The following DCAF1 variants were observed in gnomAD, a reference collection of about 807,000 sequenced individuals.
DCAF1 encodes DDB1- and CUL4-associated factor 1.
DCAF1 carries 15 observed loss-of-function variants against 128.0 expected under a neutral mutation model. That is an observed-to-expected ratio of 0.12 (90% CI 0.08 to 0.18). The LOEUF (loss-of-function observed/expected upper bound fraction) is 0.18, where lower values mean the gene tolerates loss of function less well. DCAF1 is among the 10% of genes least tolerant of loss of function. The pLI is 1.00. For missense variants in DCAF1, 988 were observed against 1,649.5 expected, an observed-to-expected ratio of 0.60 and a Z score of 6.95; for synonymous variants, 610 against 603.0, an observed-to-expected ratio of 1.01 and a Z score of -0.17.
intron 24 of DCAF1, among the ~76,000 whole-genome samples, 171 bp from the exon 25 acceptor site, chr3:51,398,998 C>T (rs1173951474): frequency 1.3e-5 from 2 of 152,248 alleles, no homozygotes; most frequent in East Asian, 3.8e-4. Flanking sequence ...GGAGAATACT[C>T]CTGTTGCTTG....
chr3:51,405,953 G>A (rs1462708530), intron 23 of DCAF1, among the ~76,000 whole-genome samples: 8 of 152,182 alleles, frequency 5.3e-5, no homozygotes, highest in African/African-American at 1.9e-4. Context: ...AGGATCACTT[G>A]AACCCAGGAA....
chr3:51,460,087 T>C (rs1169881918), intron 6 of DCAF1, among the ~76,000 whole-genome samples: 2 of 151,996 alleles, frequency 1.3e-5, no homozygotes, highest in Non-Finnish European at 2.9e-5. Context: ...AAATAAAGGG[T>C]ATTCAATTAG....
intron 22 of DCAF1, among the ~76,000 whole-genome samples, chr3:51,412,746 G>T (rs1300985450): frequency 1.3e-5 from 2 of 152,186 alleles, no homozygotes; most frequent in Non-Finnish European, 2.9e-5. Flanking sequence ...CTGAGAAAGG[G>T]ATGACAGTGT....
intron 6 of DCAF1, among the ~76,000 whole-genome samples, chr3:51,447,748 GACGAGC>G (rs1553640568): frequency 6.6e-6 from 1 of 152,130 alleles, no homozygotes. Context: ...AGGAGTTCGA[GACGAGC>G]CTGGTCAACA....
intron 9 of DCAF1, chr3:51,437,331 A>AT (rs1553637181): frequency 2.0e-6 from 1 of 505,242 alleles, no homozygotes; most frequent in South Asian, 1.5e-5. Context: ...GTAAAGGGAA[A>AT]TTATTTCCTG....
chr3:51,453,933 C>T (rs75015041), intron 6 of DCAF1, among the ~76,000 whole-genome samples: 10,116 of 150,236 alleles, frequency 0.067, 890 homozygotes, highest in East Asian at 0.33. Context: ...GCCTGCACGA[C>T]AGAGCGAGAC....
At chr3:51,451,998 CAT>C (rs1165468456) in intron 6 of DCAF1, among the ~76,000 whole-genome samples, 3 of 151,912 alleles carry the variant, frequency 2.0e-5, no homozygotes, top group Non-Finnish European at 2.9e-5. Flanking sequence ...AAAAAAAGTA[CAT>C]GTTACTATGT....
chr3:51,493,080 T>G (rs940769062), intron 2 of DCAF1, among the ~76,000 whole-genome samples: 3 of 146,016 alleles, frequency 2.1e-5, no homozygotes, highest in Non-Finnish European at 3.0e-5. Context: ...AAGTTGCAGG[T>G]TTTTTTTTTT....
intron 23 of DCAF1, among the ~76,000 whole-genome samples, chr3:51,412,056 T>C (rs1428607957): frequency 1.4e-4 from 18 of 132,730 alleles, no homozygotes; most frequent in African/African-American, 5.0e-4. Flanking sequence ...GAGACTGCAG[T>C]GAGCCGAGAT....
intron 23 of DCAF1, among the ~76,000 whole-genome samples, chr3:51,410,512 T>TAAATCTCAAACTAGCG (rs1698302734): frequency 1.3e-5 from 2 of 152,144 alleles, no homozygotes; most frequent in Non-Finnish European, 2.9e-5. Flanking sequence ...AACACATAGC[T>TAAATCTCAAACTAGCG]AAATCTCAAC....
At chr3:51,408,042 T>C (rs1314080259) in intron 23 of DCAF1, among the ~76,000 whole-genome samples, 1 of 131,172 alleles carries the variant, frequency 7.6e-6, no homozygotes, top group East Asian at 2.2e-4. Context: ...TGGATAATAA[T>C]GAGCTGTGAT....
chr3:51,460,163 G>A (rs1168759602), intron 6 of DCAF1, among the ~76,000 whole-genome samples: 5 of 152,098 alleles, frequency 3.3e-5, no homozygotes, highest in African/African-American at 7.2e-5. Context: ...AAACCCCATC[G>A]TCTCAGCCCA....
At chr3:51,431,519 C>CAA (rs5848921) in intron 10 of DCAF1, among the ~76,000 whole-genome samples, 2 of 64,078 alleles carry the variant, frequency 3.1e-5, no homozygotes, top group Admixed American at 1.7e-4. Flanking sequence ...GATTCCGTCT[C>CAA]AAAAAAAAAA....
At chr3:51,463,649 G>A (rs1447746976) in intron 5 of DCAF1, among the ~76,000 whole-genome samples, 1 of 152,010 alleles carries the variant, frequency 6.6e-6, no homozygotes, top group African/African-American at 2.4e-5. Context: ...CAAGCATGGT[G>A]GCACATGCCT....
At chr3:51,413,227 A>C in intron 21 of DCAF1, 55 bp downstream of exon 21, 1 of 1,573,878 alleles carries the variant, frequency 6.4e-7, no homozygotes, top group Non-Finnish European at 8.6e-7. Flanking sequence ...AAGGATCTTA[A>C]ATAAGGAACA....
At chr3:51,400,182 AT>A (rs1553624441) in intron 24 of DCAF1, among the ~76,000 whole-genome samples, 2 of 152,226 alleles carry the variant, frequency 1.3e-5, no homozygotes, top group African/African-American at 4.8e-5. Flanking sequence ...GGAAAACAAG[AT>A]GGAGATGGCA....
intron 4 of DCAF1, among the ~76,000 whole-genome samples, chr3:51,467,134 A>C (rs184820082): frequency 4.1e-4 from 63 of 152,138 alleles, no homozygotes; most frequent in Middle Eastern, 3.4e-3. Flanking sequence ...GAGTTTGAGA[A>C]CAGCCTGGCC....
At chr3:51,405,561 T>C (rs1553626335) in intron 23 of DCAF1, among the ~76,000 whole-genome samples, 1 of 152,252 alleles carries the variant, frequency 6.6e-6, no homozygotes, top group Non-Finnish European at 1.5e-5. Context: ...GTTGAGCACC[T>C]CACTTTGTCG....
At chr3:51,414,484 C>T (rs958599629) in intron 19 of DCAF1, 140 bp downstream of exon 19, 16 of 1,267,762 alleles carry the variant, frequency 1.3e-5, no homozygotes, top group African/African-American at 4.5e-5. Flanking sequence ...ATTTCACTAA[C>T]ATTTCAAACC....
Sources: gnomAD v4.1 joint callset for allele counts (sites outside exome capture counted in the v4.1 genomes callset) on GRCh38, gnomAD v4.1.1 for gene constraint, MANE v1.5 for transcripts, NCBI Gene and HGNC (gene_info 2026-07-23, HGNC 2026-07-21) for gene names.